RAB5A: variants seen among roughly 807,000 people sequenced by gnomAD.
RAB5A encodes ras-related protein Rab-5A.
Under a neutral mutation model 25.7 loss-of-function variants are expected in RAB5A, and 8 were observed. The ratio of observed to expected loss-of-function variants is 0.31; its 90% CI spans 0.18 to 0.56. RAB5A has a LOEUF of 0.56. RAB5A is among the 20% of genes least tolerant of loss of function. RAB5A has a pLI of 0.91. For missense variants in RAB5A, 192 were observed against 259.7 expected (o/e 0.74, Z 1.79); for synonymous variants, 98 against 89.8 (o/e 1.09, Z -0.52).
intron 2 of RAB5A, among the ~76,000 whole-genome samples, chr3:19,969,184 A>C (rs922012145): frequency 6.6e-6 from 1 of 151,664 alleles, no homozygotes; most frequent in Non-Finnish European, 1.5e-5. Flanking sequence ...AGCTGGGATT[A>C]CAGGCGCCCA....
intron 2 of RAB5A, among the ~76,000 whole-genome samples, chr3:19,957,323 TTAA>T (rs776364421): frequency 6.6e-6 from 1 of 152,230 alleles, no homozygotes. Context: ...CAGTAACTAC[TTAA>T]TAATGTGTAC....
chr3:19,968,472 G>A (rs1239953025), intron 2 of RAB5A, among the ~76,000 whole-genome samples: 1 of 152,088 alleles, frequency 6.6e-6, no homozygotes, highest in Non-Finnish European at 1.5e-5. Context: ...CTTTACTTCT[G>A]ATTCTTTCTT....
intron 5 of RAB5A, among the ~76,000 whole-genome samples, chr3:19,979,133 C>A (rs191674283): frequency 2.0e-5 from 3 of 152,156 alleles, no homozygotes; most frequent in African/African-American, 7.2e-5. Context: ...CACACCACCA[C>A]GCCCAGCTAA....
intron 2 of RAB5A, among the ~76,000 whole-genome samples, chr3:19,962,009 C>G (rs1696592966): frequency 1.3e-5 from 2 of 152,142 alleles, no homozygotes; most frequent in Admixed American, 6.6e-5. Context: ...TGATCTTTTC[C>G]TTGCTCTTGC....
intron 5 of RAB5A, among the ~76,000 whole-genome samples, chr3:19,982,726 C>T (rs1696953468): frequency 6.7e-6 from 1 of 149,688 alleles, no homozygotes; most frequent in African/African-American, 2.5e-5. Context: ...CATACCACTG[C>T]ACTTAATCCT....
intron 1 of RAB5A, among the ~76,000 whole-genome samples, chr3:19,950,166 T>G (rs181782418): frequency 2.0e-5 from 3 of 152,088 alleles, no homozygotes; most frequent in Admixed American, 2.0e-4. Flanking sequence ...TTTCTGTGTA[T>G]GGTGTGCTTG....
intron 2 of RAB5A, among the ~76,000 whole-genome samples, chr3:19,955,883 C>T (rs181183311): frequency 7.1e-4 from 108 of 151,970 alleles, no homozygotes; most frequent in Non-Finnish European, 1.4e-3. Context: ...GGTGTCTCAG[C>T]GAGACTCCGT....
At chr3:19,958,278 TA>T (rs1696534100) in intron 2 of RAB5A, among the ~76,000 whole-genome samples, 1 of 152,216 alleles carries the variant, frequency 6.6e-6, no homozygotes, top group African/African-American at 2.4e-5. Flanking sequence ...TATTTTCTCC[TA>T]AAAAGTACAT....
chr3:19,966,448 C>T (rs1696663747), intron 2 of RAB5A, among the ~76,000 whole-genome samples: 1 of 152,184 alleles, frequency 6.6e-6, no homozygotes, highest in Admixed American at 6.5e-5. Context: ...TCATTGGACA[C>T]TTAGGTTGCT....
Position 19,947,266 on chromosome 3 carries a change from CCGG to C in RAB5A, c.-330_-328del, listed in dbSNP as rs67898127. 32,094 of 182,086 alleles carry C rather than the reference CCGG, an allele frequency of 0.18. 3,857 individuals are homozygous for C. Among genetic ancestry groups the C allele is most frequent in the African/African-American group, 0.34 (14,016 of 40,814 alleles). The allele number at this position is 182,086 out of a possible 1,614,324, so 11.3% of individuals were successfully genotyped here. A position where few individuals can be genotyped will look rare whatever the true frequency, so the allele number is the denominator to read the frequency against. The stretch of plus-strand genomic sequence containing the variant: ...GGAAGAATTAGTCGGAACTCCAGCG[CCGG>C]CGGCGGCGGCGGCGGCGGAGGAGGA... On this transcript the variant is annotated 5_prime_UTR_variant, in exon 1 of 6. Coordinates refer to ENST00000273047, the MANE Select transcript of RAB5A (RefSeq NM_004162.5).
intron 5 of RAB5A, 96 bp from the exon 6 acceptor site, chr3:19,983,612 G>T (rs1383995541): frequency 1.2e-6 from 1 of 815,428 alleles, no homozygotes; most frequent in Non-Finnish European, 2.1e-6. Context: ...TACTTTGGGG[G>T]TAACCTAACT....
intron 5 of RAB5A, among the ~76,000 whole-genome samples, chr3:19,980,729 G>T (rs1696909859): frequency 6.6e-6 from 1 of 151,942 alleles, no homozygotes; most frequent in South Asian, 2.1e-4. Flanking sequence ...ACATTTCTGG[G>T]GCTTTGCTTG....
chr3:19,957,344 C>G (rs1409473643), intron 2 of RAB5A, among the ~76,000 whole-genome samples: 1 of 152,030 alleles, frequency 6.6e-6, no homozygotes, highest in Non-Finnish European at 1.5e-5. Context: ...TACTTGAAAA[C>G]TGCTAAATTC....
intron 5 of RAB5A, among the ~76,000 whole-genome samples, chr3:19,982,927 C>T (rs925297961): frequency 6.6e-6 from 1 of 152,090 alleles, no homozygotes; most frequent in East Asian, 1.9e-4. Flanking sequence ...GTATTTGTAT[C>T]CTGACTTGTT....
chr3:19,960,257 A>G (rs1432325478), intron 2 of RAB5A, among the ~76,000 whole-genome samples: 1 of 152,180 alleles, frequency 6.6e-6, no homozygotes, highest in Non-Finnish European at 1.5e-5. Context: ...CTCTTTGTGA[A>G]GGAGAATAAA....
intron 5 of RAB5A, among the ~76,000 whole-genome samples, chr3:19,980,592 C>A (rs1195036383): frequency 1.3e-5 from 2 of 152,098 alleles, no homozygotes; most frequent in Non-Finnish European, 2.9e-5. Flanking sequence ...CTTAATCTCA[C>A]TCACCTCTGA....
chr3:19,958,059 C>A (rs959981790), intron 2 of RAB5A, among the ~76,000 whole-genome samples: 4 of 152,092 alleles, frequency 2.6e-5, no homozygotes, highest in Non-Finnish European at 4.4e-5. Flanking sequence ...ATTTAATGTG[C>A]TTTTACCTTT....
chr3:19,980,131 T>C (rs566703513), intron 5 of RAB5A: 46 of 152,340 alleles, frequency 3.0e-4, no homozygotes, highest in African/African-American at 1.1e-3. Context: ...TGTGTGATAA[T>C]ATACTCATTT....
chr3:19,952,624 A>G (rs767903921), intron 2 of RAB5A, among the ~76,000 whole-genome samples: 8 of 152,212 alleles, frequency 5.3e-5, no homozygotes, highest in Non-Finnish European at 5.9e-5. Context: ...TTAAAATGTT[A>G]TATTAGAATG....
Sources: gnomAD v4.1 joint callset for allele counts (sites outside exome capture counted in the v4.1 genomes callset) on GRCh38, gnomAD v4.1.1 for gene constraint, MANE v1.5 for transcripts, NCBI Gene and HGNC (gene_info 2026-07-23, HGNC 2026-07-21) for gene names.